Variants in NFKB1 observed in about 807,000 individuals in gnomAD.
The protein encoded by NFKB1 is nuclear factor kappa B subunit 1.
Under a neutral mutation model 105.1 loss-of-function variants are expected in NFKB1, and 9 were observed. The observed-to-expected ratio is 0.09, with a 90% CI of 0.05 to 0.15. The LOEUF (loss-of-function observed/expected upper bound fraction) is 0.15. NFKB1 is among the 10% of genes least tolerant of loss of function. NFKB1 has a pLI of 1.00. For missense variants in NFKB1, 830 were observed against 1,203.7 expected (o/e 0.69, Z 4.59); for synonymous variants, 440 against 442.2 (o/e 1.00, Z 0.06).
In NFKB1 at chr4:102,516,756, G is replaced by A. The variant is rs1740215554; in HGVS notation, c.-7-8756G>A. On this transcript the variant is annotated intron_variant, in intron 1 of 23. Coordinates refer to ENST00000226574, the MANE Select transcript of NFKB1 (RefSeq NM_003998.4). ...TTTGCAGGCTTCATTATGTTTTATT[G>A]TACATTGTGGAGAGTTTGGGTTTTT... 2.0e-5 allele frequency among the ~76,000 whole-genome samples: 3 copies of A among 151,184 alleles called. No individual in the cohort carries two copies. In the South Asian group the frequency reaches 6.3e-4, roughly 32 times the overall value.
intron 1 of NFKB1, among the ~76,000 whole-genome samples, chr4:102,511,239 A>G (rs1739762154): frequency 6.6e-6 from 1 of 152,134 alleles, no homozygotes. Context: ...GTAGGGTTTT[A>G]TTTCTTTAAC....
At chr4:102,594,517 G>T (rs763834646) in intron 12 of NFKB1, among the ~76,000 whole-genome samples, 2 of 152,116 alleles carry the variant, frequency 1.3e-5, no homozygotes, top group Non-Finnish European at 2.9e-5. Context: ...ATGTTTTTCT[G>T]TGCTTTGTTT....
intron 11 of NFKB1, among the ~76,000 whole-genome samples, chr4:102,590,046 G>C (rs979404380): frequency 1.3e-5 from 2 of 152,170 alleles, no homozygotes; most frequent in Non-Finnish European, 2.9e-5. Flanking sequence ...AGTGGTCTTA[G>C]ACTTTTAGCC....
At chr4:102,616,086 A>G (rs1352855074) in intron 23 of NFKB1, among the ~76,000 whole-genome samples, 1 of 152,240 alleles carries the variant, frequency 6.6e-6, no homozygotes, top group Admixed American at 6.5e-5. Flanking sequence ...TTCCCCAGCT[A>G]TGAAATAGAT....
chr4:102,528,506 A>G (rs1254248034), intron 2 of NFKB1, among the ~76,000 whole-genome samples: 2 of 152,130 alleles, frequency 1.3e-5, no homozygotes, highest in African/African-American at 2.4e-5. Context: ...GTACCCCAGA[A>G]CTTTCAATAA....
chr4:102,611,929 T>C, intron 20 of NFKB1, 115 bp from the exon 21 acceptor site: 1 of 745,164 alleles, frequency 1.3e-6, no homozygotes, highest in Admixed American at 2.4e-5. Flanking sequence ...TCCTCCATCA[T>C]TAGGGTACCA....
At chr4:102,579,807 C>T (rs4648029) in intron 8 of NFKB1, among the ~76,000 whole-genome samples, 1,520 of 151,944 alleles carry the variant, frequency 0.01, 19 homozygotes, top group African/African-American at 0.032. Flanking sequence ...GCATAGTACT[C>T]AGACTCATTG....
chr4:102,608,628 T>C (rs1355264638), intron 19 of NFKB1, among the ~76,000 whole-genome samples: 3 of 151,376 alleles, frequency 2.0e-5, no homozygotes, highest in African/African-American at 7.3e-5. Flanking sequence ...ATCTGAAGCC[T>C]GCCCTGACAT....
At chr4:102,544,880 G>C (rs1044292573) in intron 5 of NFKB1, among the ~76,000 whole-genome samples, 1 of 152,038 alleles carries the variant, frequency 6.6e-6, no homozygotes, top group Non-Finnish European at 1.5e-5. Flanking sequence ...GTCAGTTCTG[G>C]CTTGGTGACC....
At chr4:102,522,835 A>G (rs1466012792) in intron 1 of NFKB1, among the ~76,000 whole-genome samples, 1 of 152,202 alleles carries the variant, frequency 6.6e-6, no homozygotes, top group Non-Finnish European at 1.5e-5. Flanking sequence ...TTCTAAGGAT[A>G]GGGATTTTGA....
At chr4:102,536,974 C>CATAATT (rs1302988998) in intron 4 of NFKB1, among the ~76,000 whole-genome samples, 1 of 152,128 alleles carries the variant, frequency 6.6e-6, no homozygotes, top group Admixed American at 6.6e-5. Flanking sequence ...ATGATGAGGT[C>CATAATT]ATAATTATCC....
chr4:102,529,265 A>G (rs894178218), intron 2 of NFKB1, among the ~76,000 whole-genome samples: 2 of 152,154 alleles, frequency 1.3e-5, no homozygotes, highest in African/African-American at 4.8e-5. Flanking sequence ...AGGTAAAAGA[A>G]ATGAGTGAGC....
Position 102,582,901 on chromosome 4 carries a change from A to C in NFKB1, c.871A>C (p.Asn291His), listed in dbSNP as rs1578793375. 3.1e-6 allele frequency: 5 copies of C among 1,612,712 alleles called. No individual in the cohort carries two copies. The East Asian group carries it at 1.1e-4, about 36-fold the overall frequency. ...GATTCGATTTTATGAAGAGGAAGAA[A>C]ATGGTGGAGTCTGGGAAGGATTTGG... The part of the protein sequence containing the change: ...IQIRFYEEEE[N>H]GGVWEGFGDF... Residue 291 changes from asparagine to histidine, a missense_variant, in exon 10 of 24, where the codon AAT becomes CAT. By Grantham distance (68) the Asn-to-His change is moderately conservative. Transcript: ENST00000226574.
chr4:102,539,567 C>G (rs1184106357), intron 5 of NFKB1, among the ~76,000 whole-genome samples: 1 of 152,126 alleles, frequency 6.6e-6, no homozygotes, highest in Non-Finnish European at 1.5e-5. Context: ...GTCTTATGGC[C>G]TCACATCCTT....
At chr4:102,581,675 T>G (rs1374489334) in intron 9 of NFKB1, among the ~76,000 whole-genome samples, 3 of 152,132 alleles carry the variant, frequency 2.0e-5, no homozygotes, top group African/African-American at 7.2e-5. Context: ...GTTTACACTT[T>G]CTCTGCCTAC....
intron 5 of NFKB1, among the ~76,000 whole-genome samples, chr4:102,540,335 G>A (rs530871881): frequency 5.3e-5 from 8 of 152,220 alleles, no homozygotes; most frequent in Non-Finnish European, 8.8e-5. Flanking sequence ...TCTTTCTCAT[G>A]TAGAGGTTTC....
chr4:102,580,616 T>C lies in NFKB1; in HGVS notation c.812T>C (p.Leu271Pro), dbSNP rs1560692699. The C allele has an allele frequency of 6.2e-7, 1 of 1,613,774 alleles. No individual in the cohort carries two copies. Among genetic ancestry groups the C allele is most frequent in the Admixed American group, 1.7e-5 (1 of 60,004 alleles). Residue 271 changes from leucine (L) to proline (P), a missense_variant, in exon 9 of 24, where the codon CTT (leucine) becomes CCT (proline). Leu to Pro is a moderately conservative substitution (Grantham distance 98). Coordinates refer to ENST00000226574, the MANE Select transcript of NFKB1 (RefSeq NM_003998.4). ...GTGACTGGAGGGGAGGAAATTTATC[T>C]TCTTTGTGACAAAGTTCAGAAAGGT... ...GCVTGGEEIY[L>P]LCDKVQKDDI... is the part of the protein sequence containing the mutation.
At chr4:102,508,703 C>T (rs370092375) in intron 1 of NFKB1, among the ~76,000 whole-genome samples, 2 of 151,982 alleles carry the variant, frequency 1.3e-5, no homozygotes, top group Non-Finnish European at 2.9e-5. Context: ...GGTTAAGCAT[C>T]GTTTGTATAT....
intron 5 of NFKB1, among the ~76,000 whole-genome samples, chr4:102,560,107 C>A (rs1487287468): frequency 4.6e-5 from 7 of 152,058 alleles, no homozygotes; most frequent in Admixed American, 4.6e-4. Flanking sequence ...ACTCTCTGCT[C>A]CTCCCATATT....
Sources: allele counts gnomAD v4.1 joint callset (sites outside exome capture counted in the v4.1 genomes callset), GRCh38; gene constraint gnomAD v4.1.1; transcripts MANE v1.5; gene names NCBI Gene and HGNC (gene_info 2026-07-23, HGNC 2026-07-21).